MTAP: variants seen among roughly 807,000 people sequenced by gnomAD.
The protein encoded by MTAP is methylthioadenosine phosphorylase.
In MTAP, 33 loss-of-function variants were observed where a neutral mutation model predicts 33.6. The ratio of observed to expected loss-of-function variants is 0.98; its 90% CI spans 0.74 to 1.31. MTAP has a LOEUF of 1.31. Among genes scored for constraint, MTAP ranks in the 40% most tolerant of loss-of-function variants. The pLI is 0.00. For synonymous variants in MTAP, 148 were observed against 125.7 expected (o/e 1.18, Z -1.19); for missense variants, 367 against 360.0 (o/e 1.02, Z -0.16).
chr9:21,915,117 C>G (rs1474948483), intron 1 of MTAP, among the ~76,000 whole-genome samples: 1 of 144,568 alleles, frequency 6.9e-6, no homozygotes, highest in Non-Finnish European at 1.5e-5. Context: ...GAGTCTTGCC[C>G]TCTCACCCAG....
Position 21,864,207 on chromosome 9 carries a change from T to G in MTAP, c.*2193T>G, listed in dbSNP as rs1424798597. On this transcript the variant is annotated 3_prime_UTR_variant, in exon 8 of 8. Transcript: ENST00000644715. ...CTAGCAACATCATTTTCAGACTAAC[T>G]AAATGAATGCAGTATACTCTTTTCT... 1.0e-6 allele frequency: 1 copy of G among 985,278 alleles called. No individual in the cohort carries two copies. Among genetic ancestry groups the G allele is most frequent in the African/African-American group, 1.7e-5 (1 of 57,238 alleles). The allele number at this position is 985,278 out of a possible 1,614,324, so 61.0% of individuals were successfully genotyped here. A position where few individuals can be genotyped will look rare whatever the true frequency, so the allele number is the denominator to read the frequency against.
intron 1 of MTAP, among the ~76,000 whole-genome samples, chr9:21,898,872 C>G (rs1375526165): frequency 1.3e-5 from 2 of 152,076 alleles, no homozygotes; most frequent in African/African-American, 2.4e-5. Flanking sequence ...ACCCAGCCAT[C>G]CCATTACTGG....
chr9:21,899,836 A>G (rs1818360169), intron 1 of MTAP, among the ~76,000 whole-genome samples: 1 of 152,180 alleles, frequency 6.6e-6, no homozygotes, highest in African/African-American at 2.4e-5. Context: ...ACAGAAACAC[A>G]AATCAATGGA....
At chr9:21,899,718 T>C (rs975569902) in intron 1 of MTAP, among the ~76,000 whole-genome samples, 1 of 152,108 alleles carries the variant, frequency 6.6e-6, no homozygotes, top group Non-Finnish European at 1.5e-5. Flanking sequence ...CCCATCCAAT[T>C]ATCTCCACCT....
In MTAP at chr9:21,818,192, T is replaced by C. The variant is rs1824532185; in HGVS notation, c.337T>C (p.Phe113Leu). Residue 113 changes from phenylalanine (F) to leucine (L), a missense_variant, in exon 4 of 8, where the codon TTC (phenylalanine) becomes CTC (leucine). Physicochemically the swap from Phe to Leu is conservative, Grantham distance 22. Coordinates refer to ENST00000644715, the MANE Select transcript of MTAP (RefSeq NM_002451.4). ...QPGDIVIIDQ[F>L]IDRTTMRPQS... ...CGGCGATATTGTCATTATTGATCAG[T>C]TCATTGACAGGTAAGCAGTCATACA... 6.2e-7 allele frequency: 1 copy of C among 1,613,632 alleles called. No individual in the cohort carries two copies. The highest frequency in any genetic ancestry group is 1.3e-5 in the African/African-American group (1 of 74,862).
downstream of MTAP, among the ~76,000 whole-genome samples, chr9:21,869,214 C>T (rs1013643686): frequency 6.6e-6 from 1 of 152,132 alleles, no homozygotes; most frequent in Non-Finnish European, 1.5e-5. Flanking sequence ...TCTCCTGCCT[C>T]CAATTCCTCT....
intron 1 of MTAP, chr9:21,813,667 C>G (rs774915755): frequency 6.6e-6 from 1 of 152,180 alleles, no homozygotes. Flanking sequence ...CCAGAAACAG[C>G]CAGGCCAAAG....
intron 5 of MTAP, among the ~76,000 whole-genome samples, chr9:21,839,654 T>A (rs1825194753): frequency 1.3e-5 from 2 of 152,346 alleles, no homozygotes; most frequent in South Asian, 2.1e-4. Context: ...AAGAAATTTT[T>A]AAATATTATC....
chr9:21,834,395 C>T (rs1825050774), intron 4 of MTAP, among the ~76,000 whole-genome samples: 1 of 152,176 alleles, frequency 6.6e-6, no homozygotes, highest in South Asian at 2.1e-4. Flanking sequence ...AGTCCCCTTG[C>T]CTAGCTAGAG....
chr9:21,916,754 C>G (rs1459341388), intron 1 of MTAP, among the ~76,000 whole-genome samples: 1 of 152,136 alleles, frequency 6.6e-6, no homozygotes, highest in African/African-American at 2.4e-5. Flanking sequence ...AAAAGAAGAA[C>G]CTACATCGCT....
intron 5 of MTAP, among the ~76,000 whole-genome samples, chr9:21,842,148 A>G (rs1177665213): frequency 2.0e-5 from 3 of 152,346 alleles, no homozygotes; most frequent in East Asian, 3.9e-4. Flanking sequence ...GAAAGCTTCA[A>G]CAATAGGCTA....
intron 1 of MTAP, among the ~76,000 whole-genome samples, chr9:21,879,501 A>T (rs1252056457): frequency 6.6e-6 from 1 of 151,694 alleles, no homozygotes; most frequent in Non-Finnish European, 1.5e-5. Flanking sequence ...TGTTTTTTTT[A>T]TCCAGCTTGC....
chr9:21,910,971 G>T (rs1411095421), intron 1 of MTAP, among the ~76,000 whole-genome samples: 2 of 152,116 alleles, frequency 1.3e-5, no homozygotes, highest in Non-Finnish European at 2.9e-5. Context: ...AAAAGGCAGG[G>T]GTTGCAATCC....
At chr9:21,827,797 C>T (rs1170231417) in intron 4 of MTAP, among the ~76,000 whole-genome samples, 1 of 152,086 alleles carries the variant, frequency 6.6e-6, no homozygotes, top group Admixed American at 6.6e-5. Context: ...ACATCTTGAT[C>T]AAAATCTCAA....
intron 1 of MTAP, chr9:21,929,375 C>T (rs559282196): frequency 1.3e-5 from 2 of 158,414 alleles, no homozygotes; most frequent in African/African-American, 4.8e-5. Flanking sequence ...ATTTTAATCC[C>T]AACTTGTACA....
rs764360382 is a variant in MTAP at position 21,837,988 on chromosome 9, C to T, written c.428C>T (p.Pro143Leu). The T allele has an allele frequency of 3.1e-6, 5 of 1,613,850 alleles. No homozygotes were observed. Among genetic ancestry groups the T allele is most frequent in the African/African-American group, 2.7e-5 (2 of 74,862 alleles). The stretch of plus-strand genomic sequence containing the variant: ...GTGTGCCATATTCCAATGGCTGAGC[C>T]GTTTTGCCCCAAAACGAGAGAGGTG... ...RGVCHIPMAE[P>L]FCPKTREVLI... Residue 143 changes from proline to leucine, a missense_variant, in exon 5 of 8, where the codon CCG becomes CTG. Pro to Leu is a moderately conservative substitution (Grantham distance 98). Coordinates refer to ENST00000644715, the MANE Select transcript of MTAP (RefSeq NM_002451.4).
At chr9:21,841,368 A>T (rs1450684207) in intron 5 of MTAP, among the ~76,000 whole-genome samples, 1 of 152,236 alleles carries the variant, frequency 6.6e-6, no homozygotes, top group Non-Finnish European at 1.5e-5. Context: ...TGATCCCAGG[A>T]CGGAAAAGAC....
intron 5 of MTAP, among the ~76,000 whole-genome samples, chr9:21,842,343 T>C (rs999484210): frequency 6.6e-6 from 1 of 152,182 alleles, no homozygotes; most frequent in East Asian, 1.9e-4. Flanking sequence ...GGAAAACTTA[T>C]TTGAGGAAAA....
At chr9:21,912,847 C>T (rs1394103735) in intron 1 of MTAP, among the ~76,000 whole-genome samples, 3 of 152,196 alleles carry the variant, frequency 2.0e-5, no homozygotes, top group Admixed American at 2.0e-4. Flanking sequence ...CAAATTGTCC[C>T]TGTTTGCAGA....
Sources: gnomAD v4.1 joint callset for allele counts (sites outside exome capture counted in the v4.1 genomes callset) on GRCh38, gnomAD v4.1.1 for gene constraint, MANE v1.5 for transcripts, NCBI Gene and HGNC (gene_info 2026-07-23, HGNC 2026-07-21) for gene names.